Variants in FER observed in about 807,000 individuals in gnomAD.
FER encodes the protein tyrosine-protein kinase Fer.
A neutral mutation model predicts 111.0 loss-of-function variants in FER; 63 were observed. The ratio of observed to expected loss-of-function variants is 0.57; its 90% CI spans 0.46 to 0.70. FER has a LOEUF of 0.70. Ranked by LOEUF, FER falls within the 30% of genes least tolerant of loss-of-function variation. The pLI, the probability that FER is intolerant of heterozygous loss-of-function variation, is 0.00. For missense variants in FER, 914 were observed against 954.0 expected (o/e 0.96, Z 0.55); for synonymous variants, 327 against 313.9 (o/e 1.04, Z -0.44).
At chr5:108,786,672 T>C (rs1235896904) in intron 2 of FER, among the ~76,000 whole-genome samples, 2 of 152,038 alleles carry the variant, frequency 1.3e-5, no homozygotes, top group Non-Finnish European at 2.9e-5. Flanking sequence ...AGCTAATTTT[T>C]TGTATGTTTA....
intron 13 of FER, among the ~76,000 whole-genome samples, chr5:108,981,933 G>A (rs907151272): frequency 6.6e-6 from 1 of 152,070 alleles, no homozygotes; most frequent in African/African-American, 2.4e-5. Context: ...TTTTGTGCCT[G>A]TTTCTTATAA....
chr5:108,817,434 G>A (rs1011235547), intron 3 of FER, among the ~76,000 whole-genome samples: 3 of 152,082 alleles, frequency 2.0e-5, no homozygotes, highest in Admixed American at 1.3e-4. Context: ...ATTGTGTAGT[G>A]CACAGACTAT....
chr5:109,059,451 C>T (rs983001186), intron 16 of FER, among the ~76,000 whole-genome samples: 1 of 152,162 alleles, frequency 6.6e-6, no homozygotes, highest in Non-Finnish European at 1.5e-5. Context: ...TCGCTTGAAC[C>T]CGGGAGGCGG....
At chr5:109,011,883 AT>A (rs767266142) in intron 13 of FER, among the ~76,000 whole-genome samples, 3 of 152,202 alleles carry the variant, frequency 2.0e-5, no homozygotes, top group Non-Finnish European at 4.4e-5. Context: ...CCTAATTCCA[AT>A]TGATCCTTTC....
In FER at chr5:109,187,677, G is replaced by A. The variant is rs939928605; in HGVS notation, c.*102G>A. The stretch of plus-strand genomic sequence containing the variant: ...AATTTATACCACATTACCTTCGACA[G>A]TCTTCTACCATTATTTTTTATTAAC... On this transcript the variant is annotated 3_prime_UTR_variant, in exon 20 of 20. Transcript: ENST00000281092. 1.5e-6 allele frequency: 2 copies of A among 1,335,186 alleles called. No individual in the cohort carries two copies. Among genetic ancestry groups the A allele is most frequent in the Non-Finnish European group, 2.1e-6 (2 of 971,266 alleles). The allele number at this position is 1,335,186 out of a possible 1,614,324, so 82.7% of individuals were successfully genotyped here. A position where few individuals can be genotyped will look rare whatever the true frequency, so the allele number is the denominator to read the frequency against.
At chr5:108,971,375 C>T (rs989975358) in intron 13 of FER, among the ~76,000 whole-genome samples, 8 of 149,066 alleles carry the variant, frequency 5.4e-5, no homozygotes, top group African/African-American at 2.0e-4. Context: ...AAATAAAATA[C>T]AGGCTTCTAA....
chr5:109,008,300 A>T (rs1765757244), intron 13 of FER, among the ~76,000 whole-genome samples: 1 of 152,184 alleles, frequency 6.6e-6, no homozygotes, highest in East Asian at 1.9e-4. Context: ...TGTTCCTAAT[A>T]GTTCTCATGT....
intron 18 of FER, among the ~76,000 whole-genome samples, chr5:109,185,956 A>C (rs1484451194): frequency 6.6e-6 from 1 of 152,290 alleles, no homozygotes; most frequent in South Asian, 2.1e-4. Flanking sequence ...CACAATGGTA[A>C]GTTTTTGTGT....
At chr5:108,931,335 G>C (rs1390657667) in intron 10 of FER, among the ~76,000 whole-genome samples, 2 of 151,084 alleles carry the variant, frequency 1.3e-5, no homozygotes, top group South Asian at 4.2e-4. Flanking sequence ...TTTTTTCCGT[G>C]TATTTTACAA....
At position 109,187,458 on chromosome 5, in the gene FER, C is replaced by T. The variant is rs1227220630; in HGVS notation, c.2352C>T (p.His784=). The change falls in exon 20 of 20, where the codon CAC becomes CAT. Residue 784 remains histidine, a synonymous_variant. Transcript: ENST00000281092. The part of the protein sequence containing the change: ...ERGYRMSAPQ[H]CPEDISKIMM... The stretch of plus-strand genomic sequence containing the variant: ...GATACCGGATGTCAGCTCCCCAGCA[C>T]TGTCCAGAGGATATTTCCAAAATCA... The T allele has an allele frequency of 6.2e-7, 1 of 1,613,948 alleles. No individual in the cohort carries two copies. Among genetic ancestry groups the T allele is most frequent in the African/African-American group, 1.3e-5 (1 of 74,908 alleles).
intron 2 of FER, among the ~76,000 whole-genome samples, chr5:108,793,177 ATAACCTGTTG>A (rs1755574938): frequency 6.6e-6 from 1 of 152,132 alleles, no homozygotes; most frequent in African/African-American, 2.4e-5. Context: ...ACTACCCTTT[ATAACCTGTTG>A]TAACCATCCT....
intron 13 of FER, among the ~76,000 whole-genome samples, chr5:108,988,220 A>G (rs1340358172): frequency 6.6e-6 from 1 of 152,078 alleles, no homozygotes; most frequent in African/African-American, 2.4e-5. Context: ...TTTTGCATCT[A>G]TATTCATCAG....
intron 1 of FER, among the ~76,000 whole-genome samples, chr5:108,761,686 TA>T (rs1438573381): frequency 1.3e-5 from 2 of 152,116 alleles, no homozygotes; most frequent in Non-Finnish European, 2.9e-5. Context: ...CTTCAATTTG[TA>T]AAAAAGGGAA....
At chr5:108,894,780 G>C (rs970393959) in intron 9 of FER, among the ~76,000 whole-genome samples, 1 of 152,104 alleles carries the variant, frequency 6.6e-6, no homozygotes. Flanking sequence ...CAGCAGGCAA[G>C]AGAGAGAGCA....
intron 17 of FER, among the ~76,000 whole-genome samples, chr5:109,178,896 A>G (rs1757990578): frequency 6.6e-6 from 1 of 152,190 alleles, no homozygotes; most frequent in African/African-American, 2.4e-5. Context: ...TTTGGGCAGA[A>G]TTGCCATATT....
At chr5:109,071,677 C>G (rs1242113857) in intron 16 of FER, among the ~76,000 whole-genome samples, 2 of 151,152 alleles carry the variant, frequency 1.3e-5, no homozygotes, top group Non-Finnish European at 3.0e-5. Flanking sequence ...TTCCTTGTTC[C>G]AATTCAAAAA....
At chr5:108,893,143 C>T (rs1214342191) in intron 9 of FER, among the ~76,000 whole-genome samples, 9 of 152,010 alleles carry the variant, frequency 5.9e-5, no homozygotes, top group East Asian at 1.9e-4. Flanking sequence ...ATTGACTTGG[C>T]GATGCAGGCT....
At chr5:108,808,563 C>T (rs931901153) in intron 3 of FER, among the ~76,000 whole-genome samples, 1 of 151,380 alleles carries the variant, frequency 6.6e-6, no homozygotes. Flanking sequence ...AACTCTGTGC[C>T]TTTTAAGTGG....
At chr5:109,125,095 T>TAGGAAA (rs1751543661) in intron 17 of FER, among the ~76,000 whole-genome samples, 1 of 150,498 alleles carries the variant, frequency 6.6e-6, no homozygotes, top group South Asian at 2.1e-4. Flanking sequence ...TGCTAATCAG[T>TAGGAAA]AGGAAAAGTC....
Sources: allele counts gnomAD v4.1 joint callset (sites outside exome capture counted in the v4.1 genomes callset), GRCh38; gene constraint gnomAD v4.1.1; transcripts MANE v1.5; gene names NCBI Gene and HGNC (gene_info 2026-07-23, HGNC 2026-07-21).